Variants in CTNNA2 observed in about 807,000 individuals in gnomAD.
The protein encoded by CTNNA2 is catenin alpha-2.
In CTNNA2, 42 loss-of-function variants were observed where a neutral mutation model predicts 101.0. That is an observed-to-expected ratio of 0.42 (90% CI 0.32 to 0.54). The LOEUF (loss-of-function observed/expected upper bound fraction) is 0.54. CTNNA2 is among the 20% of genes least tolerant of loss of function. The pLI is 0.14. For missense variants in CTNNA2, 871 were observed against 1,223.1 expected (o/e 0.71, Z 4.29); for synonymous variants, 450 against 456.4 (o/e 0.99, Z 0.18).
At chr2:80,146,683 G>A (rs1438819004) in intron 7 of CTNNA2, among the ~76,000 whole-genome samples, 5 of 100,162 alleles carry the variant, frequency 5.0e-5, no homozygotes, top group South Asian at 3.6e-4. Context: ...TTATACTATC[G>A]TTTTCTGAAG....
At chr2:79,964,085 CAG>C (rs72339906) in intron 7 of CTNNA2, among the ~76,000 whole-genome samples, 62,251 of 151,854 alleles carry the variant, frequency 0.41, 12,787 homozygotes, top group Middle Eastern at 0.51. Context: ...ATTCTGCAGA[CAG>C]AGCATGTCCT....
chr2:80,415,799 T>C (rs1400696359), intron 8 of CTNNA2, among the ~76,000 whole-genome samples: 1 of 151,974 alleles, frequency 6.6e-6, no homozygotes, highest in Non-Finnish European at 1.5e-5. Flanking sequence ...GACAGATAAA[T>C]GGATTAAAAA....
chr2:79,368,056 G>C (rs1244149962), intron 3 of CTNNA2, among the ~76,000 whole-genome samples: 1 of 152,158 alleles, frequency 6.6e-6, no homozygotes. Flanking sequence ...TTATCATTTT[G>C]TGATTTCATT....
chr2:80,005,335 G>A (rs941519966), intron 7 of CTNNA2, among the ~76,000 whole-genome samples: 8 of 152,222 alleles, frequency 5.3e-5, no homozygotes, highest in East Asian at 1.9e-4. Context: ...CTAAGGGTTA[G>A]GAGTGGCCCT....
intron 4 of CTNNA2, among the ~76,000 whole-genome samples, chr2:79,415,788 C>T (rs753347223): frequency 6.6e-5 from 10 of 151,898 alleles, no homozygotes; most frequent in African/African-American, 1.5e-4. Context: ...TGATCCTCAC[C>T]GTCAACAAAT....
At chr2:80,543,061 G>A (rs539535326) in intron 9 of CTNNA2, among the ~76,000 whole-genome samples, 1 of 152,256 alleles carries the variant, frequency 6.6e-6, no homozygotes, top group Admixed American at 6.5e-5. Context: ...TTTATCCATT[G>A]TGTATTCCAA....
chr2:79,202,249 G>A (rs1674045216), intron 2 of CTNNA2, among the ~76,000 whole-genome samples: 1 of 152,178 alleles, frequency 6.6e-6, no homozygotes, highest in African/African-American at 2.4e-5. Flanking sequence ...TTAGCTTGGT[G>A]ATTTTGGAGT....
At chr2:79,478,086 G>A (rs1671072566) in intron 4 of CTNNA2, among the ~76,000 whole-genome samples, 2 of 152,108 alleles carry the variant, frequency 1.3e-5, no homozygotes, top group Non-Finnish European at 2.9e-5. Context: ...CTTCAACTAA[G>A]TACTACTTCA....
intron 7 of CTNNA2, among the ~76,000 whole-genome samples, chr2:80,366,356 C>CA (rs1674932048): frequency 6.6e-6 from 1 of 152,168 alleles, no homozygotes; most frequent in East Asian, 1.9e-4. Context: ...TTGTCACTGT[C>CA]AGTGCCTTGA....
chr2:79,619,299 G>C (rs62140093), intron 1 of CTNNA2, among the ~76,000 whole-genome samples: 6,857 of 152,220 alleles, frequency 0.045, 219 homozygotes, highest in Non-Finnish European at 0.065. Context: ...GACTAAGAAA[G>C]AAGAAGGGCA....
chr2:80,640,635 T>A (rs1294399368), intron 18 of CTNNA2, among the ~76,000 whole-genome samples: 2 of 152,246 alleles, frequency 1.3e-5, no homozygotes, highest in Non-Finnish European at 2.9e-5. Context: ...TCACAGTTTC[T>A]AAGGACATCA....
chr2:79,833,975 A>G (rs1679120778), intron 3 of CTNNA2, among the ~76,000 whole-genome samples: 1 of 152,114 alleles, frequency 6.6e-6, no homozygotes, highest in African/African-American at 2.4e-5. Context: ...TCCTTGTTCC[A>G]TTGGACACAT....
intron 9 of CTNNA2, among the ~76,000 whole-genome samples, chr2:80,457,321 C>T (rs1431032373): frequency 6.6e-6 from 1 of 152,054 alleles, no homozygotes; most frequent in African/African-American, 2.4e-5. Flanking sequence ...GCCTTGGCCT[C>T]CCAAACTGCT....
intron 2 of CTNNA2, among the ~76,000 whole-genome samples, chr2:79,221,085 G>T (rs904701951): frequency 6.6e-6 from 1 of 152,018 alleles, no homozygotes; most frequent in African/African-American, 2.4e-5. Context: ...ACGAAATAAA[G>T]GAACAAATTC....
At chr2:79,922,448 A>G (rs185984892) in intron 7 of CTNNA2, among the ~76,000 whole-genome samples, 1 of 152,134 alleles carries the variant, frequency 6.6e-6, no homozygotes, top group African/African-American at 2.4e-5. Context: ...TATCTTATGG[A>G]TGTGGTAAAT....
chr2:79,723,565 T>C (rs1304834821), intron 2 of CTNNA2, among the ~76,000 whole-genome samples: 1 of 152,156 alleles, frequency 6.6e-6, no homozygotes, highest in Non-Finnish European at 1.5e-5. Flanking sequence ...AGATCTTGGA[T>C]GGATTAAAGG....
intron 2 of CTNNA2, among the ~76,000 whole-genome samples, chr2:79,213,538 T>G (rs13426899): frequency 0.097 from 14,697 of 152,228 alleles, 735 homozygotes; most frequent in Middle Eastern, 0.2. Flanking sequence ...GAAGATACTA[T>G]AGCATAGCCT....
At chr2:80,517,834 C>T (rs1254778212) in intron 9 of CTNNA2, among the ~76,000 whole-genome samples, 2 of 152,150 alleles carry the variant, frequency 1.3e-5, no homozygotes, top group Non-Finnish European at 2.9e-5. Context: ...GTTGCCTAAA[C>T]TTGGTCTGCA....
At chr2:79,864,908 C>G (rs771995119) in intron 4 of CTNNA2, among the ~76,000 whole-genome samples, 45 of 152,118 alleles carry the variant, frequency 3.0e-4, no homozygotes, top group Non-Finnish European at 4.4e-4. Context: ...ATAAGAAAAC[C>G]ATCAAATTCA....
Sources: allele counts gnomAD v4.1 joint callset (sites outside exome capture counted in the v4.1 genomes callset), GRCh38; gene constraint gnomAD v4.1.1; transcripts MANE v1.5; gene names NCBI Gene and HGNC (gene_info 2026-07-23, HGNC 2026-07-21).